The following CNTNAP2 variants were observed in gnomAD, a reference collection of about 807,000 sequenced individuals.
The protein encoded by CNTNAP2 is contactin-associated protein-like 2.
CNTNAP2 carries 98 observed loss-of-function variants against 155.2 expected under a neutral mutation model. That is an observed-to-expected ratio of 0.63 (90% CI 0.54 to 0.75). CNTNAP2 has a LOEUF of 0.75. CNTNAP2 is among the 30% of genes least tolerant of loss of function. The pLI is 0.00. For synonymous variants in CNTNAP2, 651 were observed against 631.2 expected (o/e 1.03, Z -0.47); for missense variants, 1,727 against 1,688.1 (o/e 1.02, Z -0.40).
chr7:148,253,068 G>T (rs1796397126), intron 20 of CNTNAP2, among the ~76,000 whole-genome samples: 1 of 151,982 alleles, frequency 6.6e-6, no homozygotes, highest in Non-Finnish European at 1.5e-5. Context: ...TAGATAGATA[G>T]ATAGATATTG....
At chr7:147,354,046 T>C (rs958413619) in intron 9 of CNTNAP2, among the ~76,000 whole-genome samples, 1 of 152,002 alleles carries the variant, frequency 6.6e-6, no homozygotes, top group Admixed American at 6.6e-5. Context: ...CTCTTTATCA[T>C]ATGGATAGAT....
chr7:146,832,573 A>T (rs1185343714), intron 2 of CNTNAP2, among the ~76,000 whole-genome samples: 4 of 147,736 alleles, frequency 2.7e-5, no homozygotes, highest in Non-Finnish European at 6.0e-5. Context: ...ATTTAATCTA[A>T]TATATTAATA....
chr7:147,044,103 A>C, intron 4 of CNTNAP2, 49 bp downstream of exon 4: 1 of 1,603,888 alleles, frequency 6.2e-7, no homozygotes, highest in Middle Eastern at 1.7e-4. Flanking sequence ...CTTTATTTAA[A>C]TAGTAAGCTG....
At chr7:146,947,595 A>ATATATATG (rs1554414026) in intron 3 of CNTNAP2, among the ~76,000 whole-genome samples, 4 of 140,676 alleles carry the variant, frequency 2.8e-5, no homozygotes, top group African/African-American at 8.1e-5. Flanking sequence ...ATATATATAT[A>ATATATATG]TATGTATATA....
At chr7:147,190,728 G>A (rs1283929578) in intron 8 of CNTNAP2, among the ~76,000 whole-genome samples, 5 of 152,200 alleles carry the variant, frequency 3.3e-5, no homozygotes, top group African/African-American at 1.2e-4. Context: ...TTGTCAGTTA[G>A]TTTGCAGCAT....
chr7:146,739,645 A>G (rs1006049538), intron 1 of CNTNAP2, among the ~76,000 whole-genome samples: 15 of 151,898 alleles, frequency 9.9e-5, no homozygotes, highest in African/African-American at 3.4e-4. Flanking sequence ...AATGTTATTT[A>G]TATGTCTGTT....
At chr7:146,774,430 A>G (rs1169254768) in intron 2 of CNTNAP2, 49 bp downstream of exon 2, 1 of 1,297,674 alleles carries the variant, frequency 7.7e-7, no homozygotes, top group Middle Eastern at 1.8e-4. Flanking sequence ...AAATAAGAAC[A>G]TGTTATATTT....
At chr7:146,429,095 G>C (rs1173743743) in intron 1 of CNTNAP2, among the ~76,000 whole-genome samples, 1 of 152,046 alleles carries the variant, frequency 6.6e-6, no homozygotes, top group African/African-American at 2.4e-5. Context: ...GTCTGTGTCT[G>C]TTCTCATACC....
At chr7:146,946,123 TTTCC>T (rs1287913925) in intron 3 of CNTNAP2, among the ~76,000 whole-genome samples, 4 of 151,086 alleles carry the variant, frequency 2.6e-5, no homozygotes, top group Admixed American at 6.6e-5. Flanking sequence ...TCCTTCCTTC[TTTCC>T]TTCCTTCCTT....
chr7:147,045,170 G>A (rs1332518209), intron 4 of CNTNAP2, among the ~76,000 whole-genome samples: 1 of 152,076 alleles, frequency 6.6e-6, no homozygotes, highest in East Asian at 1.9e-4. Flanking sequence ...TATGAACAAG[G>A]AGGGGATTTG....
intron 13 of CNTNAP2, among the ~76,000 whole-genome samples, chr7:147,731,159 C>G (rs992857798): frequency 6.6e-6 from 1 of 152,112 alleles, no homozygotes; most frequent in African/African-American, 2.4e-5. Context: ...GAAGGTCTAG[C>G]TAACGTAATT....
At chr7:146,805,537 T>C (rs1387426438) in intron 2 of CNTNAP2, among the ~76,000 whole-genome samples, 1 of 152,106 alleles carries the variant, frequency 6.6e-6, no homozygotes, top group Non-Finnish European at 1.5e-5. Context: ...TTGTTTATTA[T>C]AGAGAAGTAA....
chr7:146,943,336 A>G (rs1490667858), intron 3 of CNTNAP2, among the ~76,000 whole-genome samples: 2 of 152,156 alleles, frequency 1.3e-5, no homozygotes, highest in African/African-American at 4.8e-5. Flanking sequence ...TACTAAAAAT[A>G]CAAAAATTAG....
intron 13 of CNTNAP2, among the ~76,000 whole-genome samples, chr7:147,856,229 C>T (rs1799037215): frequency 6.6e-6 from 1 of 152,134 alleles, no homozygotes; most frequent in Admixed American, 6.6e-5. Flanking sequence ...TTGGAATCAC[C>T]TTTCTAGTCT....
chr7:146,220,384 A>G (rs965022893), intron 1 of CNTNAP2, among the ~76,000 whole-genome samples: 2 of 152,160 alleles, frequency 1.3e-5, no homozygotes, highest in Non-Finnish European at 2.9e-5. Context: ...TTTGCCACCT[A>G]TATCATCATT....
At chr7:147,794,594 AT>A (rs35690661) in intron 13 of CNTNAP2, among the ~76,000 whole-genome samples, 11,889 of 151,636 alleles carry the variant, frequency 0.078, 552 homozygotes, top group East Asian at 0.2. Flanking sequence ...TTTCAGTATG[AT>A]TTTTTTCTGG....
intron 11 of CNTNAP2, among the ~76,000 whole-genome samples, chr7:147,526,369 G>T (rs912189741): frequency 1.3e-5 from 2 of 151,994 alleles, no homozygotes; most frequent in Admixed American, 1.3e-4. Context: ...GCAGTTTCTG[G>T]GATCCCTTCT....
chr7:146,613,512 G>A (rs897224667), intron 1 of CNTNAP2, among the ~76,000 whole-genome samples: 15 of 151,938 alleles, frequency 9.9e-5, no homozygotes, highest in African/African-American at 2.7e-4. Flanking sequence ...ACATTATTGA[G>A]TAAACAAAGA....
chr7:147,873,863 A>C (rs4634547), intron 13 of CNTNAP2, among the ~76,000 whole-genome samples: 1,668 of 152,294 alleles, frequency 0.011, 87 homozygotes, highest in Admixed American at 0.091. Flanking sequence ...GGCATTGGGT[A>C]AATACACCCA....
Sources: gnomAD v4.1 joint callset for allele counts (sites outside exome capture counted in the v4.1 genomes callset) on GRCh38, gnomAD v4.1.1 for gene constraint, MANE v1.5 for transcripts, NCBI Gene and HGNC (gene_info 2026-07-23, HGNC 2026-07-21) for gene names.